The following PRKD1 variants were observed in gnomAD, a reference collection of about 807,000 sequenced individuals.
PRKD1 encodes serine/threonine-protein kinase D1.
In PRKD1, 63 loss-of-function variants were observed where a neutral mutation model predicts 95.9. The ratio of observed to expected loss-of-function variants is 0.66; its 90% CI spans 0.54 to 0.81. The LOEUF (loss-of-function observed/expected upper bound fraction) is 0.81, where lower values mean the gene tolerates loss of function less well. PRKD1 is among the 30% of genes least tolerant of loss of function. PRKD1 has a pLI of 0.00. For missense variants in PRKD1, 1,048 were observed against 1,165.3 expected (o/e 0.90, Z 1.47); for synonymous variants, 425 against 423.1 (o/e 1.00, Z -0.05).
At position 29,628,445 on chromosome 14, in the gene PRKD1, C is replaced by T. The variant is rs1879770543; in HGVS notation, c.1725+596G>A. Among the ~76,000 whole-genome samples the T allele has an allele frequency of 2.6e-5, 4 of 152,128 alleles. No individual in the cohort carries two copies. In the South Asian group the frequency reaches 8.3e-4, roughly 31 times the overall value. On this transcript the variant is annotated intron_variant, in intron 11 of 17. Coordinates refer to ENST00000331968, the MANE Select transcript of PRKD1 (RefSeq NM_002742.3). Reference sequence around the variant, plus strand: ...ACAAATAAAGCAAACATTTGACGGACTGTAAAATATTTCATAATATGTCTG... The same window carrying T: ...ACAAATAAAGCAAACATTTGACGGATTGTAAAATATTTCATAATATGTCTG...
At chr14:29,584,948 C>T (rs903774494) in intron 16 of PRKD1, among the ~76,000 whole-genome samples, 8 of 152,290 alleles carry the variant, frequency 5.3e-5, no homozygotes, top group Non-Finnish European at 1.0e-4. Context: ...TCTCTCCACC[C>T]CAAATTATTC....
intron 1 of PRKD1, among the ~76,000 whole-genome samples, chr14:29,850,453 A>AACACACACAC (rs57312847): frequency 8.1e-5 from 12 of 147,912 alleles, no homozygotes; most frequent in African/African-American, 2.7e-4. Context: ...CCCCATTCAA[A>AACACACACAC]ACACACACAC....
Position 29,576,737 on chromosome 14 carries a change from C to T in PRKD1, c.*501G>A, listed in dbSNP as rs897260408. 5.8e-6 allele frequency: 1 copy of T among 171,760 alleles called. No homozygotes were observed. Among genetic ancestry groups the T allele is most frequent in the Non-Finnish European group, 1.3e-5 (1 of 77,962 alleles). 10.6% of individuals were successfully genotyped at this position (171,760 alleles called of 1,614,324 possible). ...AACTATACATTAAAACTTGTTCATG[C>T]ATTTGTGTCTTAGGATTTTATTCCC... On this transcript the variant is annotated 3_prime_UTR_variant, in exon 18 of 18. Coordinates refer to ENST00000331968, the MANE Select transcript of PRKD1 (RefSeq NM_002742.3).
At chr14:29,580,944 C>T (rs1205835384) in intron 16 of PRKD1, among the ~76,000 whole-genome samples, 1 of 151,598 alleles carries the variant, frequency 6.6e-6, no homozygotes, top group East Asian at 1.9e-4. Context: ...AATCTAGTTG[C>T]AAAGGCACAT....
At chr14:29,590,516 C>G (rs1344775612) in intron 16 of PRKD1, among the ~76,000 whole-genome samples, 1 of 152,098 alleles carries the variant, frequency 6.6e-6, no homozygotes, top group Non-Finnish European at 1.5e-5. Flanking sequence ...TTTACGGCTC[C>G]CTTCACTTCT....
intron 1 of PRKD1, among the ~76,000 whole-genome samples, chr14:29,890,549 T>C (rs1035315661): frequency 7.9e-5 from 12 of 152,168 alleles, no homozygotes; most frequent in Admixed American, 5.9e-4. Context: ...TGACTCAATA[T>C]AGAGAATGAA....
chr14:29,617,177 CAT>C (rs1878926017), intron 13 of PRKD1, among the ~76,000 whole-genome samples: 1 of 152,168 alleles, frequency 6.6e-6, no homozygotes, highest in South Asian at 2.1e-4. Flanking sequence ...TTATGTACCA[CAT>C]GTTCTTTATC....
chr14:29,599,686 T>C lies in PRKD1; in HGVS notation c.2037A>G (p.Pro679=), dbSNP rs776793084. The part of the protein sequence containing the change: ...MILSSEKGRL[P]EHITKFLITQ... ...TAATTAAAAACTTCGTTATGTGCTCTGGCAACCTGCCCTTTTCACTTGACA... is the reference window on the plus strand; with the variant it reads ...TAATTAAAAACTTCGTTATGTGCTCCGGCAACCTGCCCTTTTCACTTGACA... The change falls in exon 14 of 18, where the codon CCA becomes CCG. Residue 679 remains proline, a synonymous_variant. Transcript: ENST00000331968. 4.3e-6 allele frequency: 7 copies of C among 1,613,084 alleles called. No individual in the cohort carries two copies. The South Asian group carries it at 6.6e-5, about 15-fold the overall frequency.
At chr14:29,876,461 C>T (rs1893293984) in intron 1 of PRKD1, among the ~76,000 whole-genome samples, 1 of 151,956 alleles carries the variant, frequency 6.6e-6, no homozygotes, top group Admixed American at 6.6e-5. Context: ...TGTTAAAATC[C>T]ACATAGCTTT....
Position 29,576,769 on chromosome 14 carries a change from C to A in PRKD1, c.*469G>T. The A allele has an allele frequency of 5.6e-6, 1 of 178,712 alleles. No individual in the cohort carries two copies. 11.1% of individuals were successfully genotyped at this position (178,712 alleles called of 1,614,324 possible). On this transcript the variant is annotated 3_prime_UTR_variant, in exon 18 of 18. Coordinates refer to ENST00000331968, the MANE Select transcript of PRKD1 (RefSeq NM_002742.3). ...GTCTTAGGATTTTATTCCCTACCCT[C>A]CTCATTCATTTTTTTCCCACATGGG...
intron 10 of PRKD1, among the ~76,000 whole-genome samples, chr14:29,630,116 C>A (rs1879896613): frequency 1.3e-5 from 2 of 151,332 alleles, no homozygotes; most frequent in Admixed American, 1.3e-4. Flanking sequence ...TCTTGCATTC[C>A]ATGTCAAGCT....
intron 1 of PRKD1, among the ~76,000 whole-genome samples, chr14:29,896,445 G>A (rs1252167595): frequency 6.6e-6 from 1 of 152,006 alleles, no homozygotes; most frequent in Non-Finnish European, 1.5e-5. Flanking sequence ...GGTAATATTT[G>A]CTTAGGTGAT....
Position 29,686,418 on chromosome 14 carries a change from C to T in PRKD1, c.404-20210G>A, listed in dbSNP as rs111958728. Among the ~76,000 whole-genome samples, 23 of 152,314 alleles carry T rather than the reference C, an allele frequency of 1.5e-4. 1 individual carries two copies. Among genetic ancestry groups the T allele is most frequent in the African/African-American group, 5.5e-4 (23 of 41,566 alleles). ...CTAGCTACTCTTGTTAGTCAACTGA[C>T]AACTGTGCTTCTTTAGCTATCATCT... On this transcript the variant is annotated intron_variant, in intron 2 of 17. Transcript: ENST00000331968.
chr14:29,628,172 G>T (rs886941959), intron 11 of PRKD1, among the ~76,000 whole-genome samples: 1 of 152,164 alleles, frequency 6.6e-6, no homozygotes, highest in Non-Finnish European at 1.5e-5. Flanking sequence ...AGTTTAACTA[G>T]TTCTCTCAAA....
intron 1 of PRKD1, among the ~76,000 whole-genome samples, chr14:29,768,038 T>C (rs1888333254): frequency 6.6e-6 from 1 of 152,184 alleles, no homozygotes; most frequent in African/African-American, 2.4e-5. Context: ...GTGTTTCTAG[T>C]ATTCACCTAA....
chr14:29,578,239 T>C (rs748065280), intron 17 of PRKD1, 36 bp downstream of exon 17: 3 of 1,406,342 alleles, frequency 2.1e-6, no homozygotes, highest in East Asian at 2.3e-5. Flanking sequence ...ATTTAGAAGC[T>C]CATTCAACTA....
In PRKD1 at chr14:29,600,019, C is replaced by A. The variant is rs181678659; in HGVS notation, c.1906-202G>T. ...AAAAAATACATCTTTACTTTCTATG[C>A]GTAGTGAAATTATTTCTATGTGAAA... is the stretch of plus-strand genomic sequence containing the variant. On this transcript the variant is annotated intron_variant, in intron 13 of 17. Coordinates refer to ENST00000331968, the MANE Select transcript of PRKD1 (RefSeq NM_002742.3). Among the ~76,000 whole-genome samples the A allele has an allele frequency of 2.0e-5, 3 of 152,106 alleles. No homozygotes were observed. The East Asian group carries it at 5.8e-4, about 29-fold the overall frequency.
At chr14:29,809,021 G>A (rs1594538155) in intron 1 of PRKD1, among the ~76,000 whole-genome samples, 1 of 152,202 alleles carries the variant, frequency 6.6e-6, no homozygotes, top group Admixed American at 6.5e-5. Context: ...TGATCCATGG[G>A]CTGCAGAATG....
chr14:29,758,930 C>A (rs1343901229), intron 1 of PRKD1, among the ~76,000 whole-genome samples: 1 of 152,200 alleles, frequency 6.6e-6, no homozygotes, highest in Non-Finnish European at 1.5e-5. Context: ...TAAGCACATT[C>A]ACTTCTACTA....
Sources: gnomAD v4.1 joint callset for allele counts (sites outside exome capture counted in the v4.1 genomes callset) on GRCh38, gnomAD v4.1.1 for gene constraint, MANE v1.5 for transcripts, NCBI Gene and HGNC (gene_info 2026-07-23, HGNC 2026-07-21) for gene names.